Variants in LILRB2 observed in about 807,000 individuals in gnomAD.
The protein encoded by LILRB2 is leukocyte immunoglobulin-like receptor subfamily B member 2.
A neutral mutation model predicts 72.7 loss-of-function variants in LILRB2; 47 were observed. The ratio of observed to expected loss-of-function variants is 0.65; its 90% CI spans 0.51 to 0.82. LILRB2 has a LOEUF of 0.82. Ranked by LOEUF, LILRB2 falls within the 40% of genes least tolerant of loss-of-function variation. The probability of loss-of-function intolerance (pLI) is 0.00; values close to 1 mark genes in which losing one functional copy is unlikely to be tolerated. For synonymous variants in LILRB2, 279 were observed against 313.7 expected (o/e 0.89, Z 1.17); for missense variants, 767 against 764.8 (o/e 1.00, Z -0.03).
Position 54,280,446 on chromosome 19 carries a change from C to G in LILRB2, c.34+17G>C. On this transcript the variant is annotated intron_variant, in intron 2 of 13. Coordinates refer to ENST00000314446, the MANE Select transcript of LILRB2 (RefSeq NM_001080978.4). ...TCCCTCCTAGGTTAGAAGCTCCCCT[C>G]TCTCTTCAAATCTCACCGAGACAGA... The G allele has an allele frequency of 6.2e-7, 1 of 1,612,784 alleles. No individual in the cohort carries two copies. The highest frequency in any genetic ancestry group is 2.2e-5 in the East Asian group (1 of 44,788).
chr19:54,278,015 A>G (rs1413709589), intron 7 of LILRB2, 76 bp from the exon 8 acceptor site: 53 of 1,237,612 alleles, frequency 4.3e-5, no homozygotes, highest in Non-Finnish European at 5.5e-5. Context: ...ATTTCTCTAC[A>G]TGGGCCCTGT....
chr19:54,278,019 G>A (rs2080327306), intron 7 of LILRB2, 80 bp from the exon 8 acceptor site: 9 of 1,197,658 alleles, frequency 7.5e-6, no homozygotes, highest in Non-Finnish European at 9.2e-6. Context: ...CTCTACATGG[G>A]CCCTGTGGCC....
At chr19:54,276,097 T>A in intron 12 of LILRB2, 94 bp from the exon 13 acceptor site, 1 of 1,569,484 alleles carries the variant, frequency 6.4e-7, no homozygotes, top group Non-Finnish European at 8.7e-7. Flanking sequence ...ATGGGGCTAC[T>A]GAGATGCAGG....
chr19:54,277,271 C>T (rs1189615774), intron 9 of LILRB2: 28 of 1,510,236 alleles, frequency 1.9e-5, no homozygotes, highest in Middle Eastern at 2.3e-4. Context: ...CCCAGGTCAC[C>T]GTCTCTGCTG....
rs374747904 is a variant in LILRB2, at chr19:54,278,764, G to A, written c.955+48C>T. On this transcript the variant is annotated intron_variant, in intron 6 of 13. Coordinates refer to ENST00000314446, the MANE Select transcript of LILRB2 (RefSeq NM_001080978.4). ...ATCACTAATTGGATTCCCCCGGCAG[G>A]GCCTGTGCAGAGTCTGGGTCCCTGA... 273 of 1,605,130 alleles carry A rather than the reference G, an allele frequency of 1.7e-4. 1 individual carries two copies. Among genetic ancestry groups the A allele is most frequent in the Non-Finnish European group, 2.1e-4 (250 of 1,175,986 alleles).
At chr19:54,277,184 T>C (rs1274648286) in intron 9 of LILRB2, 13 of 1,525,628 alleles carry the variant, frequency 8.5e-6, no homozygotes, top group East Asian at 2.5e-5. Context: ...CCCTTGTTCC[T>C]GCACCAGAGC....
In LILRB2 at chr19:54,277,881, G is replaced by A. The variant is rs762155806; in HGVS notation, c.1309+8C>T. 1.2e-5 allele frequency: 18 copies of A among 1,547,364 alleles called. No homozygotes were observed. The East Asian group carries it at 3.4e-4, about 29-fold the overall frequency. ...GCTCCCTTCGAGCCAGAGGCCTCAG[G>A]GACTCACCAGGTGTGGAGATGGGAC... On this transcript the variant is annotated splice_region_variant and intron_variant, in intron 8 of 13. Transcript: ENST00000314446.
Position 54,278,307 on chromosome 19 carries a change from G to A in LILRB2, c.1211C>T (p.Pro404Leu). The change falls in exon 7 of 14, where the codon CCC (proline) becomes CTC (leucine). Residue 404 changes from proline (P) to leucine (L), a missense_variant. Pro to Leu is a moderately conservative substitution (Grantham distance 98). Coordinates refer to ENST00000314446, the MANE Select transcript of LILRB2 (RefSeq NM_001080978.4). ...YRCYGSLNSD[P>L]YLLSHPSEPL... ...CTCACTGGGGTGAGACAGCAGGTAG[G>A]GGTCGGAGTTGAGTGAGCCGTAGCA... The A allele has an allele frequency of 1.2e-6, 2 of 1,614,230 alleles. No homozygotes were observed. Among genetic ancestry groups the A allele is most frequent in the Non-Finnish European group, 1.7e-6 (2 of 1,180,024 alleles).
At position 54,279,112 on chromosome 19, in the gene LILRB2, G is replaced by A. The variant is rs1332579772; in HGVS notation, c.659-4C>T. 1.2e-6 allele frequency: 2 copies of A among 1,610,756 alleles called. No homozygotes were observed. Among genetic ancestry groups the A allele is most frequent in the African/African-American group, 1.3e-5 (1 of 74,856 alleles). On this transcript the variant is annotated splice_region_variant and splice_polypyrimidine_tract_variant and intron_variant, in intron 5 of 13. Transcript: ENST00000314446. ...AGTGATGGCTTCTTAGAAACACCTG[G>A]GAAAAGGTGCTCATGGTTTCCAGGA...
In LILRB2 at chr19:54,275,698, G is replaced by T. The variant is rs1054062072; in HGVS notation, c.1647+253C>A. The T allele has an allele frequency of 7.9e-6, 5 of 632,966 alleles. 1 individual carries two copies. Among genetic ancestry groups the T allele is most frequent in the East Asian group, 3.4e-5 (1 of 29,654 alleles). 39.2% of individuals were successfully genotyped at this position (632,966 alleles called of 1,614,324 possible). A position where few individuals can be genotyped will look rare whatever the true frequency, so the allele number is the denominator to read the frequency against. On this transcript the variant is annotated intron_variant, in intron 13 of 13. Transcript: ENST00000314446. ...TTCATTTATTCCTCATCCTCCAGAG[G>T]CCTGGGGAGCGCTCTAACAACCAGA... is the stretch of plus-strand genomic sequence containing the variant.
intron 13 of LILRB2, 124 bp downstream of exon 13, chr19:54,275,827 G>T: frequency 1.6e-6 from 2 of 1,289,740 alleles, no homozygotes; most frequent in South Asian, 1.2e-5. Context: ...GAGGCAGCGT[G>T]CTGGACAAGG....
chr19:54,278,373 G>T lies in LILRB2; in HGVS notation c.1145C>A (p.Pro382His), dbSNP rs769179843. The T allele has an allele frequency of 1.2e-6, 2 of 1,614,214 alleles. No individual in the cohort carries two copies. The highest frequency in any genetic ancestry group is 4.5e-5 in the East Asian group (2 of 44,884). The change falls in exon 7 of 14, where the codon CCC becomes CAC. Residue 382 changes from proline to histidine, a missense_variant. Transcript: ENST00000314446. The stretch of plus-strand genomic sequence containing the variant: ...GTGGGCTGAGGTCACAGGACTCATG[G>T]GGAATTCAGCCTGGTACTTAGGATA... ...HEYPKYQAEF[P>H]MSPVTSAHAG...
Position 54,275,753 on chromosome 19 carries a change from G to A in LILRB2, c.1647+198C>T, listed in dbSNP as rs538719688. 338 of 756,386 alleles carry A rather than the reference G, an allele frequency of 4.5e-4. 1 individual carries two copies. Among genetic ancestry groups the A allele is most frequent in the Non-Finnish European group, 6.4e-4 (270 of 421,116 alleles). The allele number at this position is 756,386 out of a possible 1,614,324, so 46.9% of individuals were successfully genotyped here. A position where few individuals can be genotyped will look rare whatever the true frequency, so the allele number is the denominator to read the frequency against. ...CAAACAGAGGATGAGGAGCAGGAAG[G>A]GGACCCGGGAGGAGGCCCACGAGGT... is the stretch of plus-strand genomic sequence containing the variant. On this transcript the variant is annotated intron_variant, in intron 13 of 13. Transcript: ENST00000314446.
At position 54,279,710 on chromosome 19, in the gene LILRB2, G is replaced by C. The variant is rs764217806; in HGVS notation, c.356-63C>G. The stretch of plus-strand genomic sequence containing the variant: ...CACCTCCCACATCATCCCCAGGGCT[G>C]GGCTGTGAGAGGGAGACACCCCTGA... On this transcript the variant is annotated intron_variant, in intron 4 of 13. Coordinates refer to ENST00000314446, the MANE Select transcript of LILRB2 (RefSeq NM_001080978.4). 8.1e-4 allele frequency: 1,307 copies of C among 1,606,238 alleles called. 2 individuals carry two copies. Among genetic ancestry groups the C allele is most frequent in the Non-Finnish European group, 1.0e-3 (1,187 of 1,174,844 alleles).
At position 54,280,531 on chromosome 19, in the gene LILRB2, A is replaced by G. The variant is rs563384354; in HGVS notation, c.-35T>C. 3.1e-6 allele frequency: 5 copies of G among 1,613,792 alleles called. No individual in the cohort carries two copies. In the East Asian group the frequency reaches 6.7e-5, roughly 22 times the overall value. On this transcript the variant is annotated 5_prime_UTR_variant, in exon 2 of 14. Transcript: ENST00000314446. ...TCCCACTGCCCTGCTCTGCGGATGG[A>G]TGAGCCCTCGGTGCTGGCGGGACAG...
intron 13 of LILRB2, chr19:54,275,306 T>C (rs1317460392): frequency 4.7e-5 from 28 of 596,564 alleles, no homozygotes; most frequent in Non-Finnish European, 7.5e-5. Flanking sequence ...CGCTGCTGCC[T>C]CGGGGCCTTT....
In LILRB2 at chr19:54,275,867, G is replaced by A. The variant is rs1474120881; in HGVS notation, c.1647+84C>T. The A allele has an allele frequency of 2.9e-5, 45 of 1,529,004 alleles. No homozygotes were observed. In the Middle Eastern group the frequency reaches 6.2e-4, roughly 21 times the overall value. The allele number at this position is 1,529,004 out of a possible 1,614,324, so 94.7% of individuals were successfully genotyped here. On this transcript the variant is annotated intron_variant, in intron 13 of 13. Coordinates refer to ENST00000314446, the MANE Select transcript of LILRB2 (RefSeq NM_001080978.4). ...GTCCACCGTGACGATGCTGAGAGCC[G>A]GGGGAAGGAGGACAGAGAAGTCCTG... is the stretch of plus-strand genomic sequence containing the variant.
Position 54,279,073 on chromosome 19 carries a change from C to T in LILRB2, c.694G>A (p.Gly232Ser). The T allele has an allele frequency of 6.2e-7, 1 of 1,614,078 alleles. No individual in the cohort carries two copies. Among genetic ancestry groups the T allele is most frequent in the South Asian group, 1.1e-5 (1 of 91,086 alleles). The part of the protein sequence containing the change: ...SKKPSLSVQP[G>S]PVMAPGESLT... ...CTTTCCCCAGGGGCCATGACAGGAC[C>T]CGGCTGCACTGAGAGTGATGGCTTC... The change falls in exon 6 of 14, where the codon GGT becomes AGT. Residue 232 changes from glycine to serine, a missense_variant. Physicochemically the swap from Gly to Ser is moderately conservative, Grantham distance 56 (BLOSUM62 0). Around this residue, in one of 3 missense-constraint regions of LILRB2, gnomAD observed 599 missense variants for 568.2 expected, o/e 1.05. Transcript: ENST00000314446.
chr19:54,278,495 C>T lies in LILRB2; in HGVS notation c.1023G>A (p.Val341=), dbSNP rs760757345. ...GCCGCCATGACTGACACAGCAGGGT[C>T]ACGTTCTCTCCTGAGGCCACTGTGG... ...PGPTVASGEN[V]TLLCQSWRQF... Residue 341 remains valine, a synonymous_variant, in exon 7 of 14, where the codon GTG becomes GTA. Transcript: ENST00000314446. 6.2e-7 allele frequency: 1 copy of T among 1,614,258 alleles called. No homozygotes were observed.
Sources: allele counts gnomAD v4.1 joint callset, GRCh38; gene constraint gnomAD v4.1.1; regional missense constraint gnomAD v4.1.1; transcripts MANE v1.5; gene names NCBI Gene and HGNC (gene_info 2026-07-23, HGNC 2026-07-21).